Variants in SUPT20H observed in about 807,000 individuals in gnomAD.
The protein encoded by SUPT20H is transcription factor SPT20 homolog.
SUPT20H carries 82 observed loss-of-function variants against 122.8 expected under a neutral mutation model. The observed-to-expected ratio is 0.67, with a 90% CI of 0.56 to 0.80. SUPT20H has a LOEUF of 0.80. Among genes scored for constraint, SUPT20H ranks in the 30% least tolerant of loss-of-function variants. The pLI is 0.00. For synonymous variants in SUPT20H, 291 were observed against 313.0 expected, an observed-to-expected ratio of 0.93 and a Z score of 0.74; for missense variants, 831 against 921.6, an observed-to-expected ratio of 0.90 and a Z score of 1.27.
At chr13:37,055,249 C>T (rs1477205072) in intron 1 of SUPT20H, among the ~76,000 whole-genome samples, 2 of 152,018 alleles carry the variant, frequency 1.3e-5, no homozygotes, top group Non-Finnish European at 2.9e-5. Flanking sequence ...ACTTTCTTCA[C>T]AGAATTGGAA....
intron 22 of SUPT20H, among the ~76,000 whole-genome samples, chr13:37,018,028 G>T (rs1287401993): frequency 6.6e-6 from 1 of 151,954 alleles, no homozygotes; most frequent in Non-Finnish European, 1.5e-5. Context: ...TAAGCTATAG[G>T]GGTTTATATA....
At chr13:37,055,925 A>T (rs2068879628) in intron 1 of SUPT20H, among the ~76,000 whole-genome samples, 1 of 152,236 alleles carries the variant, frequency 6.6e-6, no homozygotes, top group Non-Finnish European at 1.5e-5. Context: ...TTCCAAGGAA[A>T]AAACAAACAA....
At position 37,022,021 on chromosome 13, in the gene SUPT20H, C is replaced by T. The variant is rs2061527155; in HGVS notation, c.1651G>A (p.Gly551Ser). The T allele has an allele frequency of 1.9e-6, 3 of 1,601,918 alleles. No individual in the cohort carries two copies. Among genetic ancestry groups the T allele is most frequent in the Non-Finnish European group, 2.6e-6 (3 of 1,171,694 alleles). ...TCAATGCAAACTTACCAAACAGAGC[C>T]CACTACATTGATGAAGTTAAGTCCA... ...SAGLNFINVV[G>S]SVCGAQALMS... Residue 551 changes from glycine (G) to serine (S), a missense_variant, in exon 20 of 26, where the codon GGC becomes AGC. By Grantham distance (56) the Gly-to-Ser change is moderately conservative (BLOSUM62 0). Transcript: ENST00000350612. The surrounding 1 kb of genome is among the most constrained non-coding windows in gnomAD (Gnocchi z 4.5).
chr13:37,020,360 A>G (rs917781643), intron 21 of SUPT20H, among the ~76,000 whole-genome samples: 3 of 152,192 alleles, frequency 2.0e-5, no homozygotes, highest in Admixed American at 6.5e-5. Flanking sequence ...TGACATCTGT[A>G]TAATGCTTTC....
At chr13:37,012,142 G>T in intron 24 of SUPT20H, 50 bp downstream of exon 24, 1 of 1,408,562 alleles carries the variant, frequency 7.1e-7, no homozygotes, top group Non-Finnish European at 1.0e-6. Context: ...ATCCCAAATA[G>T]ATTAGATATG....
chr13:37,015,348 G>A (rs1170490621), intron 23 of SUPT20H, among the ~76,000 whole-genome samples: 1 of 149,808 alleles, frequency 6.7e-6, no homozygotes, highest in Non-Finnish European at 1.5e-5. Flanking sequence ...GACCCAAACA[G>A]ACTTTTCTCC....
At chr13:37,017,086 T>C (rs2139279558) in intron 23 of SUPT20H, among the ~76,000 whole-genome samples, 159 bp downstream of exon 23, 1 of 152,316 alleles carries the variant, frequency 6.6e-6, no homozygotes, top group East Asian at 1.9e-4. Context: ...TATGACTGTT[T>C]TATTAGGAAT....
chr13:37,035,854 C>G (rs7995985), intron 9 of SUPT20H, among the ~76,000 whole-genome samples: 11,279 of 152,154 alleles, frequency 0.074, 1,423 homozygotes, highest in African/African-American at 0.26. Context: ...GAGATAGACT[C>G]TATTCTTGGC....
rs771315432 is a variant in SUPT20H at position 37,024,413 on chromosome 13, C to A, written c.1359G>T (p.Ser453=). Reference sequence around the variant, plus strand: ...GATGTTTTACACCCTTCCCCAATACCGAAGACTGAACTGACACGGTTTCAG... The same window carrying A: ...GATGTTTTACACCCTTCCCCAATACAGAAGACTGAACTGACACGGTTTCAG... ...DQTETVSVQS[S]VLGKGVKHRP... The change falls in exon 18 of 26, where the codon TCG becomes TCT. Residue 453 remains serine (S), a synonymous_variant. Coordinates refer to ENST00000350612, the MANE Select transcript of SUPT20H (RefSeq NM_001014286.3). 6.3e-7 allele frequency: 1 copy of A among 1,576,946 alleles called. No individual in the cohort carries two copies. Among genetic ancestry groups the A allele is most frequent in the South Asian group, 1.2e-5 (1 of 83,364 alleles).
At chr13:37,032,816 A>T (rs2063625794) in intron 10 of SUPT20H, among the ~76,000 whole-genome samples, 1 of 152,184 alleles carries the variant, frequency 6.6e-6, no homozygotes, top group East Asian at 1.9e-4. Flanking sequence ...GACATTTTTA[A>T]AAGATGCCGA....
At chr13:37,051,727 G>C (rs2067745020) in intron 1 of SUPT20H, 144 bp from the exon 2 acceptor site, 1 of 403,658 alleles carries the variant, frequency 2.5e-6, no homozygotes, top group East Asian at 3.6e-5. Flanking sequence ...TTAATAATGA[G>C]TAACAATAAA....
At chr13:37,049,337 G>A (rs1358263931) in intron 2 of SUPT20H, among the ~76,000 whole-genome samples, 2 of 152,064 alleles carry the variant, frequency 1.3e-5, no homozygotes, top group African/African-American at 2.4e-5. Flanking sequence ...ATCCCTATCC[G>A]TTCATTTTTT....
rs187526475 is a variant in SUPT20H, at chr13:37,016,381, G to A, written c.1992+864C>T. Among the ~76,000 whole-genome samples, 176 of 150,594 alleles carry A rather than the reference G, an allele frequency of 1.2e-3. 2 individuals are homozygous for A. In the South Asian group the frequency reaches 0.018, roughly 15 times the overall value. On this transcript the variant is annotated intron_variant, in intron 23 of 25. Transcript: ENST00000350612. ...GGAGGTGGAGGTTGCAGTGAGCCAA[G>A]ATTGTGCCATTGCACTCCAGCCTGG...
intron 9 of SUPT20H, 161 bp downstream of exon 9, chr13:37,040,244 G>C: frequency 1.6e-6 from 1 of 630,550 alleles, no homozygotes; most frequent in Non-Finnish European, 2.6e-6. Context: ...CATATAAAGA[G>C]ACCCTTAACT....
At chr13:37,037,797 C>T (rs960999165) in intron 9 of SUPT20H, among the ~76,000 whole-genome samples, 3 of 152,134 alleles carry the variant, frequency 2.0e-5, no homozygotes, top group African/African-American at 7.2e-5. Flanking sequence ...TTACTGAATC[C>T]TATTATTTTG....
At chr13:37,010,222 T>C (rs898484689) in intron 25 of SUPT20H, among the ~76,000 whole-genome samples, 1 of 152,192 alleles carries the variant, frequency 6.6e-6, no homozygotes, top group South Asian at 2.1e-4. Context: ...CATTTACTAA[T>C]AGGAACACTT....
At chr13:37,026,259 A>G in intron 15 of SUPT20H, 23 bp from the exon 16 acceptor site, 1 of 1,472,710 alleles carries the variant, frequency 6.8e-7, no homozygotes, top group Non-Finnish European at 9.0e-7. Context: ...AGGAAAAAAA[A>G]GGAGAGAAAA....
chr13:37,024,246 C>T (rs1164592213), intron 18 of SUPT20H, 53 bp from the exon 19 acceptor site: 2 of 1,546,584 alleles, frequency 1.3e-6, no homozygotes, highest in African/African-American at 2.8e-5. Context: ...CTTCTGTGAA[C>T]TGTAGAAATC....
chr13:37,022,182 G>A lies in SUPT20H; in HGVS notation c.1592-102C>T, dbSNP rs552266766. The A allele has an allele frequency of 2.0e-5, 33 of 1,611,992 alleles. No individual in the cohort carries two copies. In the South Asian group the frequency reaches 2.6e-4, roughly 13 times the overall value. On this transcript the variant is annotated intron_variant, in intron 19 of 25. Transcript: ENST00000350612. This position sits in a 1 kb window ranked among gnomAD's most constrained non-coding sequence, Gnocchi z 4.5. ...CTGAGCAAACTGAGTTAACAAAGTG[G>A]GCTGAGGGGTGAAGCCTGAATCTTG... is the stretch of plus-strand genomic sequence containing the variant.
Sources: gnomAD v4.1 joint callset for allele counts (sites outside exome capture counted in the v4.1 genomes callset) on GRCh38, gnomAD v4.1.1 for gene constraint, Gnocchi (gnomAD v3.1) non-coding constraint, MANE v1.5 for transcripts, NCBI Gene and HGNC (gene_info 2026-07-23, HGNC 2026-07-21) for gene names.